ZDHHC9: variants seen among roughly 807,000 people sequenced by gnomAD.
ZDHHC9 encodes zDHHC palmitoyltransferase 9, also known as palmitoyltransferase ZDHHC9.
In ZDHHC9, 3 loss-of-function variants were observed where a neutral mutation model predicts 26.6. That is an observed-to-expected ratio of 0.11 (90% confidence interval 0.05 to 0.29). The LOEUF is 0.29. ZDHHC9 is among the 10% of genes least tolerant of loss of function. ZDHHC9 has a pLI of 1.00. For missense variants in ZDHHC9, 146 were observed against 296.4 expected (o/e 0.49, Z 3.73); for synonymous variants, 111 against 109.4 (o/e 1.01, Z -0.09).
At position 129,811,040 on chromosome X, in the gene ZDHHC9, C is replaced by T. The variant is rs1277880903; in HGVS notation, c.882-39G>A. 4.5e-6 allele frequency: 5 copies of T among 1,105,469 alleles called. No individual in the cohort carries two copies. The Admixed American group carries it at 6.7e-5, about 15-fold the overall frequency. The allele number at this position is 1,105,469 out of a possible 1,213,427, so 91.1% of individuals were successfully genotyped here. On this transcript the variant is annotated intron_variant, in intron 9 of 10. Coordinates refer to ENST00000357166, the MANE Select transcript of ZDHHC9 (RefSeq NM_016032.4). The stretch of plus-strand genomic sequence containing the variant: ...GAGAGTTAACAAAGAACTGGGCATT[C>T]ACCCCTCCACCCACCTGGCCTACGG...
chrX:129,841,215 C>T (rs1928373508), intron 3 of ZDHHC9, among the ~76,000 whole-genome samples: 1 of 111,979 alleles, frequency 8.9e-6, no homozygotes, highest in South Asian at 3.7e-4. Flanking sequence ...GAGCTGTTTA[C>T]GTTGAGTGAT....
intron 3 of ZDHHC9, among the ~76,000 whole-genome samples, chrX:129,837,397 G>A (rs1013338679): frequency 1.2e-4 from 13 of 111,988 alleles, no homozygotes; most frequent in African/African-American, 2.9e-4. Context: ...TTGAATGAGC[G>A]GTGTGTACAA....
At position 129,804,441 on chromosome X, in the gene ZDHHC9, A is replaced by T. The variant is rs752431505; in HGVS notation, c.*1929T>A. The T allele has an allele frequency of 8.1e-5, 9 of 111,457 alleles. No individual in the cohort carries two copies. Among genetic ancestry groups the T allele is most frequent in the African/African-American group, 2.6e-4 (8 of 30,685 alleles). The allele number at this position is 111,457 out of a possible 1,213,427, so 9.2% of individuals were successfully genotyped here. Reference sequence around the variant, plus strand: ...AGGAAGACATGGAAAAAGGTCTGGGAGCAGCCAAATTTCATTAATTCCAAT... The same window carrying T: ...AGGAAGACATGGAAAAAGGTCTGGGTGCAGCCAAATTTCATTAATTCCAAT... On this transcript the variant is annotated 3_prime_UTR_variant, in exon 11 of 11. Transcript: ENST00000357166.
Position 129,842,091 on chromosome X carries a change from G to T in ZDHHC9, c.-135-11C>A. On this transcript the variant is annotated splice_polypyrimidine_tract_variant and intron_variant, in intron 2 of 10. Coordinates refer to ENST00000357166, the MANE Select transcript of ZDHHC9 (RefSeq NM_016032.4). ...GTCCAATTGCTAGCCCTAAGAAAAA[G>T]CAGAAAAAGAAAAAAAAATGAGGCA... 1.5e-6 allele frequency: 1 copy of T among 688,690 alleles called. No individual in the cohort carries two copies. Among genetic ancestry groups the T allele is most frequent in the Non-Finnish European group, 2.2e-6 (1 of 455,914 alleles). The allele number at this position is 688,690 out of a possible 1,213,427, so 56.8% of individuals were successfully genotyped here.
intron 10 of ZDHHC9, among the ~76,000 whole-genome samples, 154 bp downstream of exon 10, chrX:129,810,751 C>G (rs1290271960): frequency 8.9e-6 from 1 of 112,082 alleles, no homozygotes; most frequent in East Asian, 2.8e-4. Context: ...TAATCTACAT[C>G]AAGGACACAA....
chrX:129,827,818 T>TTTGG (rs1314638442), intron 4 of ZDHHC9, among the ~76,000 whole-genome samples: 14 of 101,902 alleles, frequency 1.4e-4, no homozygotes, highest in Middle Eastern at 4.8e-3. Context: ...TGTTTGTTTG[T>TTTGG]TTTGGTTTGG....
intron 5 of ZDHHC9, among the ~76,000 whole-genome samples, chrX:129,821,208 A>G (rs2124113700): frequency 9.0e-6 from 1 of 111,391 alleles, no homozygotes; most frequent in East Asian, 2.8e-4. Flanking sequence ...TAGTTCAACC[A>G]TTGTGGAAGA....
intron 10 of ZDHHC9, among the ~76,000 whole-genome samples, chrX:129,807,111 A>G (rs977433726): frequency 8.9e-6 from 1 of 112,778 alleles, no homozygotes; most frequent in Non-Finnish European, 1.9e-5. Flanking sequence ...GGAAAGGCAA[A>G]GTAGAGAACT....
At position 129,823,737 on chromosome X, in the gene ZDHHC9, T is replaced by C. The variant is rs377127210; in HGVS notation, c.429A>G (p.Thr143=). Residue 143 remains threonine, a synonymous_variant, in exon 5 of 11, where the codon ACA becomes ACG. Transcript: ENST00000357166. ...CCCGGGGAGGCCGGAAGATCTTGCATGTGTAACAGTATTTCAGTTTCACAA... is the reference window on the plus strand; with the variant it reads ...CCCGGGGAGGCCGGAAGATCTTGCACGTGTAACAGTATTTCAGTTTCACAA... ...NQIVKLKYCY[T]CKIFRPPRAS... 7 of 1,212,493 alleles carry C rather than the reference T, an allele frequency of 5.8e-6. No individual in the cohort carries two copies. The highest frequency in any genetic ancestry group is 7.8e-6 in the Non-Finnish European group (7 of 895,647).
At chrX:129,832,985 GA>G (rs1928182052) in intron 3 of ZDHHC9, among the ~76,000 whole-genome samples, 1 of 91,629 alleles carries the variant, frequency 1.1e-5, no homozygotes, top group Non-Finnish European at 2.1e-5. Flanking sequence ...AAAAAAAAAA[GA>G]CTAGGTCAGA....
chrX:129,842,253 G>T (rs2124141968), intron 2 of ZDHHC9, among the ~76,000 whole-genome samples, 173 bp from the exon 3 acceptor site: 1 of 111,982 alleles, frequency 8.9e-6, no homozygotes, highest in Admixed American at 9.5e-5. Context: ...ATGATAAAAG[G>T]TTCTCAAAAA....
chrX:129,814,917 T>A (rs5932686), intron 5 of ZDHHC9, 122 bp from the exon 6 acceptor site: 13 of 729,392 alleles, frequency 1.8e-5, no homozygotes, highest in Non-Finnish European at 2.2e-5. Context: ...GTAAAAAATA[T>A]AGGGTTTTTT....
chrX:129,838,424 C>G (rs1433733608), intron 3 of ZDHHC9, among the ~76,000 whole-genome samples: 1 of 112,146 alleles, frequency 8.9e-6, no homozygotes, highest in African/African-American at 3.2e-5. Flanking sequence ...GTAATCCCAG[C>G]ACTTGGGGAG....
intron 5 of ZDHHC9, among the ~76,000 whole-genome samples, chrX:129,820,097 A>G (rs1168969163): frequency 3.6e-5 from 4 of 111,378 alleles, no homozygotes; most frequent in Non-Finnish European, 7.5e-5. Context: ...ACCCCGAAAT[A>G]TTTTCCCACA....
chrX:129,833,841 G>A (rs777922216), intron 3 of ZDHHC9, among the ~76,000 whole-genome samples: 31 of 111,712 alleles, frequency 2.8e-4, no homozygotes, highest in African/African-American at 9.4e-4. Flanking sequence ...GGTAAGTATG[G>A]CTTTAAGGAA....
intron 4 of ZDHHC9, 115 bp from the exon 5 acceptor site, chrX:129,823,952 T>C: frequency 1.5e-6 from 1 of 659,747 alleles, no homozygotes; most frequent in Admixed American, 2.3e-5. Context: ...CCCCCTGTCT[T>C]TTATAGACTA....
At position 129,820,425 on chromosome X, in the gene ZDHHC9, C is replaced by CAA. The variant is rs72086397; in HGVS notation, c.487+3252_487+3253dup. ...GGAAAACCCATCTCTACAAAAAATACAAAAAAAAAAAAAAAAATAGCCAGG... is the reference window on the plus strand; with the variant it reads ...GGAAAACCCATCTCTACAAAAAATACAAAAAAAAAAAAAAAAAAATAGCCAGG... On this transcript the variant is annotated intron_variant, in intron 5 of 10. Coordinates refer to ENST00000357166, the MANE Select transcript of ZDHHC9 (RefSeq NM_016032.4). Among the ~76,000 whole-genome samples, 14 of 64,855 alleles carry CAA rather than the reference C, an allele frequency of 2.2e-4. No individual in the cohort carries two copies. In the South Asian group the frequency reaches 4.4e-3, roughly 20 times the overall value. 56.3% of individuals were successfully genotyped at this position (64,855 alleles called of 115,157 possible).
chrX:129,819,172 C>CAAAAAAAAAAA (rs10555509), intron 5 of ZDHHC9, among the ~76,000 whole-genome samples: 2 of 36,082 alleles, frequency 5.5e-5, no homozygotes, highest in Non-Finnish European at 9.0e-5. Flanking sequence ...GCCTCCGTCT[C>CAAAAAAAAAAA]AAAAAAAAAA....
intron 3 of ZDHHC9, among the ~76,000 whole-genome samples, chrX:129,836,804 T>C (rs568218987): frequency 8.9e-6 from 1 of 112,000 alleles, no homozygotes; most frequent in African/African-American, 3.2e-5. Context: ...TCTGCAAAGA[T>C]GCCTTCATTT....
Sources: allele counts gnomAD v4.1 joint callset (sites outside exome capture counted in the v4.1 genomes callset), GRCh38; gene constraint gnomAD v4.1.1; transcripts MANE v1.5; gene names NCBI Gene and HGNC (gene_info 2026-07-23, HGNC 2026-07-21).